The following ANKMY1 variants were observed in gnomAD, a reference collection of about 807,000 sequenced individuals.
ANKMY1 encodes the protein ankyrin repeat and MYND domain containing 1.
In ANKMY1, 98 loss-of-function variants were observed where a neutral mutation model predicts 102.0. That is an observed-to-expected ratio of 0.96 (90% confidence interval 0.82 to 1.14). ANKMY1 has a LOEUF of 1.14. ANKMY1 is among the 50% of genes most tolerant of loss of function. The pLI is 0.00. For synonymous variants in ANKMY1, 582 were observed against 559.9 expected (o/e 1.04, Z -0.56); for missense variants, 1,330 against 1,347.6 (o/e 0.99, Z 0.20).
intron 15 of ANKMY1, among the ~76,000 whole-genome samples, chr2:240,494,756 A>G (rs750732435): frequency 5.9e-5 from 9 of 152,066 alleles, no homozygotes; most frequent in African/African-American, 1.2e-4. Flanking sequence ...GGGAGGGTCA[A>G]GGGGTTGTCT....
intron 13 of ANKMY1, among the ~76,000 whole-genome samples, chr2:240,502,916 C>A (rs1348543089): frequency 6.6e-6 from 1 of 152,158 alleles, no homozygotes; most frequent in Non-Finnish European, 1.5e-5. Flanking sequence ...CCAATGACCC[C>A]GTTCCCCTGC....
intron 13 of ANKMY1, among the ~76,000 whole-genome samples, chr2:240,505,457 G>GACTC (rs989518086): frequency 6.7e-6 from 1 of 149,800 alleles, no homozygotes; most frequent in Non-Finnish European, 1.5e-5. Flanking sequence ...GTGAGACTCT[G>GACTC]ACTCAAAAAA....
intron 15 of ANKMY1, among the ~76,000 whole-genome samples, chr2:240,490,347 G>A (rs2076503774): frequency 6.6e-6 from 1 of 152,000 alleles, no homozygotes; most frequent in South Asian, 2.1e-4. Context: ...GTTCCTTGAG[G>A]TGCATTGTTA....
At chr2:240,500,200 G>C (rs1296697041) in intron 14 of ANKMY1, 77 bp from the exon 15 acceptor site, 42 of 1,450,908 alleles carry the variant, frequency 2.9e-5, no homozygotes, top group Non-Finnish European at 3.8e-5. Context: ...GTGATCGAGG[G>C]CTCCTGTCAG....
intron 15 of ANKMY1, among the ~76,000 whole-genome samples, chr2:240,485,307 G>A (rs1165330451): frequency 2.7e-5 from 4 of 146,344 alleles, no homozygotes; most frequent in African/African-American, 7.6e-5. Context: ...CAGCCTGGGC[G>A]ACAGAGCGAG....
rs10445836 is a variant in ANKMY1 at position 240,506,024 on chromosome 2, G to A, written c.2526+1536C>T. Among the ~76,000 whole-genome samples, 22,602 of 152,116 alleles carry A rather than the reference G, an allele frequency of 0.15. 2,163 individuals are homozygous for A. The highest frequency in any genetic ancestry group is 0.25 in the African/African-American group (10,288 of 41,460). On this transcript the variant is annotated intron_variant, in intron 13 of 17. Coordinates refer to ENST00000401804, the MANE Select transcript of ANKMY1 (RefSeq NM_001282771.3). This position sits in a 1 kb window ranked among gnomAD's most constrained non-coding sequence, Gnocchi z 4.9. ...CAGCACTACCAGGTTCCCTAACCCC[G>A]GATGAGGCACCGGGGAGCCTCCTAA...
At chr2:240,522,244 A>C (rs1051046942) in intron 8 of ANKMY1, 2 of 152,226 alleles carry the variant, frequency 1.3e-5, no homozygotes, top group South Asian at 4.1e-4. Flanking sequence ...AAAGTTCTCC[A>C]AGTCCCCACC....
chr2:240,560,886 G>A (rs997353268), upstream of ANKMY1: 14 of 1,511,154 alleles, frequency 9.3e-6, no homozygotes, highest in East Asian at 3.6e-4. Context: ...AGAGCTGCGC[G>A]TGCCCGTGTT....
At chr2:240,555,126 C>A in intron 2 of ANKMY1, 71 bp from the exon 3 acceptor site, 7 of 1,493,988 alleles carry the variant, frequency 4.7e-6, no homozygotes, top group Non-Finnish European at 6.5e-6. Context: ...CTGAGCACAA[C>A]CCCCGAGCAC....
chr2:240,483,718 G>C (rs2075717305), intron 15 of ANKMY1, among the ~76,000 whole-genome samples: 1 of 152,040 alleles, frequency 6.6e-6, no homozygotes, highest in South Asian at 2.1e-4. Context: ...CAAGTTCTGG[G>C]GTACATTTGC....
intron 9 of ANKMY1, among the ~76,000 whole-genome samples, chr2:240,518,805 G>C (rs1265991711): frequency 6.6e-6 from 1 of 152,152 alleles, no homozygotes; most frequent in Non-Finnish European, 1.5e-5. Flanking sequence ...ACCTAAAAAG[G>C]TATGAAATTA....
Position 240,512,897 on chromosome 2 carries a change from C to T in ANKMY1, c.2050G>A (p.Glu684Lys). Residue 684 changes from glutamate to lysine, a missense_variant, in exon 10 of 18, where the codon GAG becomes AAG. By Grantham distance (56) the Glu-to-Lys change is moderately conservative. Coordinates refer to ENST00000401804, the MANE Select transcript of ANKMY1 (RefSeq NM_001282771.3). ...PLHIAAALPG[E>K]EGVQIVELLL... ...AGCTCCACAATCTGTACCCCCTCCTCCCCAGGAAGGGCGGCAGCGATGTGG... is the reference window on the plus strand; with the variant it reads ...AGCTCCACAATCTGTACCCCCTCCTTCCCAGGAAGGGCGGCAGCGATGTGG... 1 of 1,613,996 alleles carries T rather than the reference C, an allele frequency of 6.2e-7. No individual in the cohort carries two copies. The highest frequency in any genetic ancestry group is 1.1e-5 in the South Asian group (1 of 91,070).
downstream of ANKMY1, among the ~76,000 whole-genome samples, chr2:240,478,018 C>T (rs1030606261): frequency 6.6e-6 from 1 of 152,116 alleles, no homozygotes; most frequent in African/African-American, 2.4e-5. Flanking sequence ...TGATTGGATC[C>T]CGGGGGCAGA....
intron 6 of ANKMY1, 58 bp downstream of exon 6, chr2:240,526,171 T>G: frequency 6.3e-7 from 1 of 1,594,502 alleles, no homozygotes; most frequent in Non-Finnish European, 8.6e-7. Flanking sequence ...GCCACCCACA[T>G]GTGTGACCCT....
At chr2:240,518,130 C>T (rs1276817863) in intron 9 of ANKMY1, among the ~76,000 whole-genome samples, 2 of 152,118 alleles carry the variant, frequency 1.3e-5, no homozygotes, top group African/African-American at 2.4e-5. Flanking sequence ...CCAATTGTCC[C>T]ATAGAACTGA....
chr2:240,500,261 G>A (rs1430712605), intron 14 of ANKMY1, 138 bp from the exon 15 acceptor site: 46 of 1,237,390 alleles, frequency 3.7e-5, no homozygotes, highest in Non-Finnish European at 4.7e-5. Flanking sequence ...ACAAAGCTGG[G>A]AGCACATACA....
chr2:240,479,441 T>C lies in ANKMY1; in HGVS notation c.*168A>G. On this transcript the variant is annotated 3_prime_UTR_variant, in exon 18 of 18. Coordinates refer to ENST00000401804, the MANE Select transcript of ANKMY1 (RefSeq NM_001282771.3). ...AGCACAGACTGTCAAAATCACCCCG[T>C]GGGGCCAATTTATTGCGAGGTCGCA... 1 of 816,158 alleles carries C rather than the reference T, an allele frequency of 1.2e-6. No homozygotes were observed. Among genetic ancestry groups the C allele is most frequent in the South Asian group, 1.6e-5 (1 of 62,578 alleles). The allele number at this position is 816,158 out of a possible 1,614,324, so 50.6% of individuals were successfully genotyped here.
At chr2:240,500,188 C>T (rs777762073) in intron 14 of ANKMY1, 65 bp from the exon 15 acceptor site, 23 of 1,482,242 alleles carry the variant, frequency 1.6e-5, no homozygotes, top group Non-Finnish European at 2.0e-5. Context: ...GGGTGACTCT[C>T]GGTGATCGAG....
intron 4 of ANKMY1, 174 bp downstream of exon 4, chr2:240,552,740 G>C (rs2091733353): frequency 1.0e-6 from 1 of 993,340 alleles, no homozygotes; most frequent in African/African-American, 1.6e-5. Flanking sequence ...ATGCAAGGAG[G>C]CTTTTATTTT....
Sources: allele counts gnomAD v4.1 joint callset (sites outside exome capture counted in the v4.1 genomes callset), GRCh38; gene constraint gnomAD v4.1.1; non-coding constraint Gnocchi (gnomAD v3.1); transcripts MANE v1.5; gene names NCBI Gene and HGNC (gene_info 2026-07-23, HGNC 2026-07-21).